MAGI1: variants seen among roughly 807,000 people sequenced by gnomAD.
MAGI1 encodes the protein membrane associated guanylate kinase, WW and PDZ domain containing 1.
A neutral mutation model predicts 139.9 loss-of-function variants in MAGI1; 58 were observed. The ratio of observed to expected loss-of-function variants is 0.41; its 90% confidence interval spans 0.34 to 0.52. The LOEUF (loss-of-function observed/expected upper bound fraction) is 0.52, where lower values mean the gene tolerates loss of function less well. MAGI1 is among the 20% of genes least tolerant of loss of function. The pLI is 0.12. For missense variants in MAGI1, 1,874 were observed against 1,901.6 expected (o/e 0.99, Z 0.27); for synonymous variants, 812 against 737.9 (o/e 1.10, Z -1.63).
intron 5 of MAGI1, among the ~76,000 whole-genome samples, chr3:65,457,581 CTTAAA>C (rs1206976294): frequency 1.3e-5 from 2 of 151,968 alleles, no homozygotes; most frequent in South Asian, 2.1e-4. Context: ...TTTGAGCAAC[CTTAAA>C]TTATATTTTA....
chr3:65,680,501 A>G (rs1453927736), intron 1 of MAGI1, among the ~76,000 whole-genome samples: 1 of 151,810 alleles, frequency 6.6e-6, no homozygotes, highest in Non-Finnish European at 1.5e-5. Context: ...CAGAATCTCA[A>G]CCTCCTGGGC....
intron 1 of MAGI1, among the ~76,000 whole-genome samples, chr3:66,032,676 C>T (rs1195886873): frequency 2.6e-5 from 4 of 151,736 alleles, no homozygotes; most frequent in African/African-American, 9.7e-5. Flanking sequence ...CCTAGCACTT[C>T]GGGAGGCCAA....
Position 65,683,044 on chromosome 3 carries a change from T to A in MAGI1, c.314-60956A>T, listed in dbSNP as rs559144263. 2.6e-5 allele frequency among the ~76,000 whole-genome samples: 4 copies of A among 152,128 alleles called. No individual in the cohort carries two copies. In the East Asian group the frequency reaches 7.7e-4, roughly 29 times the overall value. On this transcript the variant is annotated intron_variant, in intron 1 of 22. Coordinates refer to ENST00000402939, the MANE Select transcript of MAGI1 (RefSeq NM_001033057.2). The stretch of plus-strand genomic sequence containing the variant: ...CAGTTCACAATAAGGTTCACACTTT[T>A]ATGAGAATCTAATGCCAATGCTGAT...
intron 1 of MAGI1, among the ~76,000 whole-genome samples, chr3:65,839,406 C>T (rs984005822): frequency 6.7e-6 from 1 of 148,512 alleles, no homozygotes; most frequent in African/African-American, 2.5e-5. Flanking sequence ...ATTCCTTCGA[C>T]TTTTTTTTTT....
At chr3:65,604,669 C>T (rs531308539) in intron 2 of MAGI1, among the ~76,000 whole-genome samples, 8 of 151,854 alleles carry the variant, frequency 5.3e-5, no homozygotes, top group African/African-American at 1.7e-4. Flanking sequence ...ACTTGAAATG[C>T]TATTTTCCTA....
intron 1 of MAGI1, among the ~76,000 whole-genome samples, chr3:65,772,380 G>A (rs554544972): frequency 6.6e-6 from 1 of 152,106 alleles, no homozygotes. Flanking sequence ...TGATTCAGGG[G>A]GGACTTGAGT....
intron 13 of MAGI1, among the ~76,000 whole-genome samples, chr3:65,391,646 A>G (rs1943927973): frequency 6.6e-6 from 1 of 152,146 alleles, no homozygotes; most frequent in Admixed American, 6.6e-5. Context: ...CTCAGCTAAG[A>G]CGCTATGCTC....
At chr3:65,525,663 T>C (rs1282159610) in intron 2 of MAGI1, among the ~76,000 whole-genome samples, 1 of 152,168 alleles carries the variant, frequency 6.6e-6, no homozygotes, top group Non-Finnish European at 1.5e-5. Context: ...TCAATTACAG[T>C]CACAGAGAGC....
At chr3:66,024,412 A>C (rs1332236793) in intron 1 of MAGI1, among the ~76,000 whole-genome samples, 1 of 151,788 alleles carries the variant, frequency 6.6e-6, no homozygotes, top group Non-Finnish European at 1.5e-5. Context: ...CCTACATGGC[A>C]GCAAGAGGCC....
intron 1 of MAGI1, among the ~76,000 whole-genome samples, chr3:65,764,308 A>T (rs1249781624): frequency 2.0e-5 from 3 of 152,008 alleles, no homozygotes; most frequent in Non-Finnish European, 4.4e-5. Context: ...AAAGCAAGCC[A>T]GCATGATATT....
At chr3:65,945,881 A>AG (rs1438123210) in intron 1 of MAGI1, among the ~76,000 whole-genome samples, 12 of 152,194 alleles carry the variant, frequency 7.9e-5, no homozygotes, top group Admixed American at 4.6e-4. Context: ...TCCCTGTTCT[A>AG]GGTGCTAGAG....
At chr3:65,417,571 T>C (rs1426307281) in intron 12 of MAGI1, among the ~76,000 whole-genome samples, 2 of 152,054 alleles carry the variant, frequency 1.3e-5, no homozygotes, top group Non-Finnish European at 2.9e-5. Flanking sequence ...AGTTGCCAGT[T>C]ACTGGGATTT....
chr3:65,812,870 C>A (rs1474710578), intron 1 of MAGI1, among the ~76,000 whole-genome samples: 1 of 151,494 alleles, frequency 6.6e-6, no homozygotes, highest in Non-Finnish European at 1.5e-5. Context: ...CCACCACACC[C>A]AGCTAATTTT....
At chr3:66,023,269 A>T (rs1282336741) in intron 1 of MAGI1, among the ~76,000 whole-genome samples, 3 of 152,204 alleles carry the variant, frequency 2.0e-5, no homozygotes, top group Non-Finnish European at 4.4e-5. Flanking sequence ...AGAGAAGGAG[A>T]GAAAAGACAC....
chr3:65,556,619 C>T (rs2080096672), intron 2 of MAGI1, among the ~76,000 whole-genome samples: 1 of 152,220 alleles, frequency 6.6e-6, no homozygotes, highest in African/African-American at 2.4e-5. Flanking sequence ...CATGCATTCA[C>T]TACAATTTCT....
In MAGI1 at chr3:65,819,584, A is replaced by G. The variant is rs146611966; in HGVS notation, c.314-197496T>C. Among the ~76,000 whole-genome samples, 143 of 152,070 alleles carry G rather than the reference A, an allele frequency of 9.4e-4. 1 individual carries two copies. The highest frequency in any genetic ancestry group is 3.3e-3 in the African/African-American group (138 of 41,488). ...ATCCACCCCAGCATTAAGGCAAAAA[A>G]AAGTAAGGTTGAGGCTGGGCACAGT... is the stretch of plus-strand genomic sequence containing the variant. On this transcript the variant is annotated intron_variant, in intron 1 of 22. Coordinates refer to ENST00000402939, the MANE Select transcript of MAGI1 (RefSeq NM_001033057.2).
intron 2 of MAGI1, among the ~76,000 whole-genome samples, chr3:65,583,941 G>C (rs1463769697): frequency 4.6e-5 from 7 of 151,958 alleles, no homozygotes; most frequent in African/African-American, 1.7e-4. Context: ...GAATATGAAA[G>C]GCAGTTCAAT....
Position 65,382,884 on chromosome 3 carries a change from A to C in MAGI1, c.2508+648T>G, listed in dbSNP as rs1034376903. On this transcript the variant is annotated intron_variant, in intron 15 of 22. Transcript: ENST00000402939. ...GTATGTTAAGAGCCTTTAGCACAGAACCTGGCACATAGTAAGCGCTCGATG... is the reference window on the plus strand; with the variant it reads ...GTATGTTAAGAGCCTTTAGCACAGACCCTGGCACATAGTAAGCGCTCGATG... 7.2e-5 allele frequency among the ~76,000 whole-genome samples: 11 copies of C among 152,264 alleles called. 1 individual carries two copies. The South Asian group carries it at 2.1e-3, about 29-fold the overall frequency.
At chr3:65,908,184 A>G (rs1437502221) in intron 1 of MAGI1, among the ~76,000 whole-genome samples, 11 of 152,204 alleles carry the variant, frequency 7.2e-5, no homozygotes. Context: ...TACACCACAC[A>G]ATAAGAAACA....
Sources: allele counts gnomAD v4.1 joint callset (sites outside exome capture counted in the v4.1 genomes callset), GRCh38; gene constraint gnomAD v4.1.1; transcripts MANE v1.5; gene names NCBI Gene and HGNC (gene_info 2026-07-23, HGNC 2026-07-21).